ASCC3: variants seen among roughly 807,000 people sequenced by gnomAD.
ASCC3 encodes ASC-1 complex subunit P200.
ASCC3 carries 158 observed loss-of-function variants against 256.3 expected under a neutral mutation model. That is an observed-to-expected ratio of 0.62 (90% CI 0.54 to 0.70). The LOEUF (loss-of-function observed/expected upper bound fraction) is 0.70. Among genes scored for constraint, ASCC3 ranks in the 30% least tolerant of loss-of-function variants. ASCC3 has a pLI of 0.00. For synonymous variants in ASCC3, 948 were observed against 883.4 expected (o/e 1.07, Z -1.30); for missense variants, 2,259 against 2,626.0 (o/e 0.86, Z 3.05).
chr6:100,796,573 G>A (rs546285332), intron 8 of ASCC3, among the ~76,000 whole-genome samples: 1 of 152,162 alleles, frequency 6.6e-6, no homozygotes, highest in Admixed American at 6.5e-5. Context: ...CCTGAAAAAA[G>A]AGGAAGAAAC....
chr6:100,517,427 C>A (rs1364863569), intron 38 of ASCC3, among the ~76,000 whole-genome samples: 1 of 152,112 alleles, frequency 6.6e-6, no homozygotes, highest in Non-Finnish European at 1.5e-5. Context: ...ACATTGCCAA[C>A]CCTGCTTGTA....
At chr6:100,681,251 TCAAAACAAAG>T (rs1777286674) in intron 13 of ASCC3, among the ~76,000 whole-genome samples, 1 of 152,006 alleles carries the variant, frequency 6.6e-6, no homozygotes, top group Admixed American at 6.6e-5. Context: ...AAGAAGTTCC[TCAAAACAAAG>T]CAAAACAAAA....
chr6:100,812,755 C>T (rs1770539446), intron 4 of ASCC3, among the ~76,000 whole-genome samples: 1 of 152,048 alleles, frequency 6.6e-6, no homozygotes, highest in Admixed American at 6.6e-5. Context: ...CATAGCAAGA[C>T]TCCGTCTCTC....
At chr6:100,626,266 A>T (rs1298802893) in intron 29 of ASCC3, among the ~76,000 whole-genome samples, 4 of 152,070 alleles carry the variant, frequency 2.6e-5, no homozygotes, top group Non-Finnish European at 1.5e-5. Context: ...ATATTTAAAA[A>T]TTTTATATAA....
intron 39 of ASCC3, among the ~76,000 whole-genome samples, chr6:100,513,658 C>G (rs1773886373): frequency 1.3e-5 from 2 of 152,092 alleles, no homozygotes; most frequent in Admixed American, 1.3e-4. Context: ...TTGGCATCAT[C>G]ATACTGAGAA....
At chr6:100,868,605 G>A (rs1773591053) in intron 1 of ASCC3, among the ~76,000 whole-genome samples, 1 of 152,134 alleles carries the variant, frequency 6.6e-6, no homozygotes, top group Admixed American at 6.5e-5. Context: ...ACACTTTCTT[G>A]TTTATTTACT....
At chr6:100,819,322 T>A (rs780311175) in intron 4 of ASCC3, among the ~76,000 whole-genome samples, 3 of 152,074 alleles carry the variant, frequency 2.0e-5, no homozygotes, top group Non-Finnish European at 2.9e-5. Flanking sequence ...TTAAAAAAAA[T>A]TCCATTTACA....
chr6:100,693,545 T>C (rs1159618009), intron 13 of ASCC3, among the ~76,000 whole-genome samples: 1 of 152,106 alleles, frequency 6.6e-6, no homozygotes, highest in Non-Finnish European at 1.5e-5. Flanking sequence ...TTTGAAACCA[T>C]ATAGTACACC....
At chr6:100,674,672 A>ACT (rs1776918466) in intron 14 of ASCC3, among the ~76,000 whole-genome samples, 1 of 143,596 alleles carries the variant, frequency 7.0e-6, no homozygotes, top group African/African-American at 2.6e-5. Context: ...TCCCTCTGTC[A>ACT]CCCAGGCTGG....
intron 12 of ASCC3, among the ~76,000 whole-genome samples, 176 bp from the exon 13 acceptor site, chr6:100,715,709 C>A (rs1051582263): frequency 6.6e-6 from 1 of 151,178 alleles, no homozygotes; most frequent in Admixed American, 6.6e-5. Flanking sequence ...AAATATGCAA[C>A]GCAACTTAAA....
intron 14 of ASCC3, among the ~76,000 whole-genome samples, chr6:100,670,108 T>C (rs1167995642): frequency 6.6e-6 from 1 of 151,908 alleles, no homozygotes; most frequent in Non-Finnish European, 1.5e-5. Flanking sequence ...CGGGCCAAGA[T>C]TATGAACAAT....
At chr6:100,728,238 AG>A (rs1292828525) in intron 10 of ASCC3, among the ~76,000 whole-genome samples, 3 of 152,060 alleles carry the variant, frequency 2.0e-5, no homozygotes, top group Non-Finnish European at 4.4e-5. Flanking sequence ...ACAAAAAAGA[AG>A]GGGGGAATGA....
chr6:100,614,812 G>A (rs1242397205), intron 30 of ASCC3, among the ~76,000 whole-genome samples: 2 of 152,052 alleles, frequency 1.3e-5, no homozygotes, highest in Admixed American at 6.6e-5. Context: ...ATGAAATAAT[G>A]AGTAACTCTA....
chr6:100,644,163 A>T (rs772959782), intron 22 of ASCC3, 34 bp from the exon 23 acceptor site: 3 of 1,387,548 alleles, frequency 2.2e-6, no homozygotes, highest in Non-Finnish European at 3.1e-6. Context: ...TACTATGCAT[A>T]TCATAACTCA....
At chr6:100,603,818 ATTGC>A (rs997293671) in intron 33 of ASCC3, among the ~76,000 whole-genome samples, 23 of 152,124 alleles carry the variant, frequency 1.5e-4, no homozygotes, top group African/African-American at 5.5e-4. Flanking sequence ...CTTTTTATAC[ATTGC>A]TTGATTTGAT....
intron 13 of ASCC3, among the ~76,000 whole-genome samples, chr6:100,706,002 T>A (rs1778562906): frequency 6.6e-6 from 1 of 151,714 alleles, no homozygotes; most frequent in African/African-American, 2.4e-5. Flanking sequence ...CAGAAGCAAA[T>A]CTCTCTCTCT....
At chr6:100,522,019 CA>C (rs2114623158) in intron 37 of ASCC3, among the ~76,000 whole-genome samples, 1 of 152,260 alleles carries the variant, frequency 6.6e-6, no homozygotes, top group East Asian at 1.9e-4. Context: ...ATCTAATACT[CA>C]GTGATCTAAA....
In ASCC3 at chr6:100,535,660, G is replaced by C. The variant is rs550338436; in HGVS notation, c.5775+4503C>G. ...ATTCTTGTATTTTTAGTAGAGATGG[G>C]GTTTCACCATCTTGGCCAGGCTGGT... On this transcript the variant is annotated intron_variant, in intron 37 of 41. Transcript: ENST00000369162. 1.3e-5 allele frequency among the ~76,000 whole-genome samples: 2 copies of C among 151,856 alleles called. 1 individual carries two copies. Among genetic ancestry groups the C allele is most frequent in the South Asian group, 4.2e-4 (2 of 4,804 alleles).
intron 8 of ASCC3, among the ~76,000 whole-genome samples, chr6:100,773,988 T>C (rs1320718117): frequency 7.4e-6 from 1 of 134,614 alleles, no homozygotes; most frequent in Non-Finnish European, 1.6e-5. Context: ...ATCAGAAGAA[T>C]ATACTAACAA....
Sources: gnomAD v4.1 joint callset for allele counts (sites outside exome capture counted in the v4.1 genomes callset) on GRCh38, gnomAD v4.1.1 for gene constraint, MANE v1.5 for transcripts, NCBI Gene and HGNC (gene_info 2026-07-23, HGNC 2026-07-21) for gene names.